Variants in GNA14 observed in about 807,000 individuals in gnomAD.
GNA14 encodes the protein G protein subunit alpha 14.
Under a neutral mutation model 42.0 loss-of-function variants are expected in GNA14, and 50 were observed. The observed-to-expected ratio is 1.19, with a 90% confidence interval of 0.95 to 1.51. The LOEUF is 1.51. GNA14 is among the 40% of genes most tolerant of loss of function. The probability of loss-of-function intolerance (pLI) is 0.00; values close to 1 mark genes in which losing one functional copy is unlikely to be tolerated. For missense variants in GNA14, 473 were observed against 446.2 expected, an observed-to-expected ratio of 1.06 and a Z score of -0.54; for synonymous variants, 173 against 163.1, an observed-to-expected ratio of 1.06 and a Z score of -0.46.
chr9:77,442,984 A>G (rs1023530291), intron 2 of GNA14, among the ~76,000 whole-genome samples: 1 of 152,248 alleles, frequency 6.6e-6, no homozygotes, highest in Non-Finnish European at 1.5e-5. Context: ...TTCAAATGAC[A>G]TAAAGATTTG....
chr9:77,471,588 G>T (rs1414076720), intron 2 of GNA14, among the ~76,000 whole-genome samples: 3 of 152,188 alleles, frequency 2.0e-5, no homozygotes, highest in Non-Finnish European at 4.4e-5. Flanking sequence ...AGCAATCTGA[G>T]CAGGGACAGT....
intron 4 of GNA14, 103 bp from the exon 5 acceptor site, chr9:77,429,139 A>G: frequency 8.9e-7 from 1 of 1,129,910 alleles, no homozygotes. Context: ...TGGAGTCCTC[A>G]GTAATTTCTA....
intron 2 of GNA14, among the ~76,000 whole-genome samples, chr9:77,497,799 AC>A (rs1169967492): frequency 1.3e-5 from 2 of 152,200 alleles, no homozygotes; most frequent in Non-Finnish European, 2.9e-5. Flanking sequence ...TGACTTTATG[AC>A]CTAAAAACTT....
chr9:77,444,465 C>T (rs1392286547), intron 2 of GNA14, among the ~76,000 whole-genome samples: 1 of 152,204 alleles, frequency 6.6e-6, no homozygotes, highest in African/African-American at 2.4e-5. Context: ...GATGGTGACA[C>T]CTGTGCAGGT....
At chr9:77,544,331 AT>A (rs1837694062) in intron 1 of GNA14, among the ~76,000 whole-genome samples, 1 of 152,216 alleles carries the variant, frequency 6.6e-6, no homozygotes, top group African/African-American at 2.4e-5. Context: ...AGGAAAAAAA[AT>A]CTCTTCAAAT....
At chr9:77,647,215 C>G (rs1044548204) in intron 1 of GNA14, among the ~76,000 whole-genome samples, 1 of 152,076 alleles carries the variant, frequency 6.6e-6, no homozygotes, top group African/African-American at 2.4e-5. Context: ...GTGGTGATGC[C>G]CTTAAGAACT....
intron 1 of GNA14, among the ~76,000 whole-genome samples, chr9:77,630,477 T>C (rs1824080200): frequency 2.0e-5 from 3 of 152,162 alleles, no homozygotes; most frequent in Non-Finnish European, 2.9e-5. Context: ...AGATTTTGCT[T>C]GACAGCTTTT....
chr9:77,570,574 CA>C (rs1823044711), intron 1 of GNA14, among the ~76,000 whole-genome samples: 1 of 152,166 alleles, frequency 6.6e-6, no homozygotes, highest in African/African-American at 2.4e-5. Flanking sequence ...ATCAGTACTT[CA>C]TTTTTTATTG....
intron 2 of GNA14, among the ~76,000 whole-genome samples, chr9:77,503,411 T>C (rs1366492537): frequency 2.0e-5 from 3 of 152,182 alleles, no homozygotes; most frequent in Non-Finnish European, 2.9e-5. Context: ...GAACCAATGA[T>C]GTACAAATGC....
intron 2 of GNA14, among the ~76,000 whole-genome samples, chr9:77,459,188 A>G (rs1023671727): frequency 6.6e-6 from 1 of 152,072 alleles, no homozygotes; most frequent in Non-Finnish European, 1.5e-5. Context: ...GTGAGCTGAG[A>G]TCACATCACT....
intron 2 of GNA14, among the ~76,000 whole-genome samples, chr9:77,438,388 C>T (rs1238681123): frequency 2.6e-5 from 4 of 152,092 alleles, no homozygotes; most frequent in Non-Finnish European, 5.9e-5. Flanking sequence ...CTGCCTCAGC[C>T]TCCCGAGTAG....
Position 77,434,228 on chromosome 9 carries a change from G to A in GNA14, c.464+140C>T, listed in dbSNP as rs1029183558. On this transcript the variant is annotated intron_variant, in intron 3 of 6. Transcript: ENST00000341700. ...GGTGAGAGATGGCACTAAGAGGTCA[G>A]GAGGGATATGGGAAAGCAAAGGCAA... The A allele has an allele frequency of 2.1e-5, 15 of 726,952 alleles. No individual in the cohort carries two copies. The South Asian group carries it at 2.7e-4, about 13-fold the overall frequency. 45.0% of individuals were successfully genotyped at this position (726,952 alleles called of 1,614,324 possible). A position where few individuals can be genotyped will look rare whatever the true frequency, so the allele number is the denominator to read the frequency against.
chr9:77,600,058 C>T (rs1016737708), intron 1 of GNA14, among the ~76,000 whole-genome samples: 1 of 151,110 alleles, frequency 6.6e-6, no homozygotes. Flanking sequence ...ATTTGTACAC[C>T]ATATATTGAT....
intron 2 of GNA14, among the ~76,000 whole-genome samples, chr9:77,446,945 T>C (rs143837460): frequency 4.3e-4 from 65 of 151,944 alleles, no homozygotes; most frequent in Admixed American, 1.3e-3. Flanking sequence ...TGGCTACAAG[T>C]TTTGGTGCAG....
At chr9:77,554,027 C>G (rs1322121924) in intron 1 of GNA14, among the ~76,000 whole-genome samples, 1 of 152,124 alleles carries the variant, frequency 6.6e-6, no homozygotes, top group East Asian at 1.9e-4. Context: ...ATAAAACCTA[C>G]TAGGCCAGGA....
intron 1 of GNA14, among the ~76,000 whole-genome samples, chr9:77,636,488 G>C (rs947817868): frequency 6.6e-6 from 1 of 152,180 alleles, no homozygotes; most frequent in Admixed American, 6.6e-5. Flanking sequence ...ACCTGAGGCT[G>C]GGTAATTTAT....
intron 2 of GNA14, among the ~76,000 whole-genome samples, chr9:77,519,858 A>G (rs1262711544): frequency 1.3e-5 from 2 of 152,062 alleles, no homozygotes; most frequent in Non-Finnish European, 2.9e-5. Context: ...AAAAATACAA[A>G]AATTAGCCAG....
intron 2 of GNA14, among the ~76,000 whole-genome samples, chr9:77,476,257 A>G (rs2131724619): frequency 6.6e-6 from 1 of 152,354 alleles, no homozygotes; most frequent in South Asian, 2.1e-4. Context: ...AATCACACCA[A>G]CAAGATTGCC....
chr9:77,485,262 C>T (rs965018325), intron 2 of GNA14, among the ~76,000 whole-genome samples: 2 of 152,180 alleles, frequency 1.3e-5, no homozygotes, highest in South Asian at 4.1e-4. Flanking sequence ...GTTTCCATCT[C>T]AAGAAATCAC....
Sources: gnomAD v4.1 joint callset for allele counts (sites outside exome capture counted in the v4.1 genomes callset) on GRCh38, gnomAD v4.1.1 for gene constraint, MANE v1.5 for transcripts, NCBI Gene and HGNC (gene_info 2026-07-23, HGNC 2026-07-21) for gene names.